The following SDK1 variants were observed in gnomAD, a reference collection of about 807,000 sequenced individuals.
SDK1 encodes the protein sidekick cell adhesion molecule 1, also known as protein sidekick-1.
SDK1 carries 157 observed loss-of-function variants against 245.5 expected under a neutral mutation model. The ratio of observed to expected loss-of-function variants is 0.64; its 90% confidence interval spans 0.56 to 0.73. The LOEUF (loss-of-function observed/expected upper bound fraction) is 0.73, where lower values mean the gene tolerates loss of function less well. Among genes scored for constraint, SDK1 ranks in the 30% least tolerant of loss-of-function variants. The pLI, the probability that SDK1 is intolerant of heterozygous loss-of-function variation, is 0.00. For missense variants in SDK1, 3,583 were observed against 3,002.3 expected, an observed-to-expected ratio of 1.19 and a Z score of -4.52; for synonymous variants, 1,647 against 1,278.5, an observed-to-expected ratio of 1.29 and a Z score of -6.15.
intron 5 of SDK1, among the ~76,000 whole-genome samples, chr7:3,850,877 AG>A (rs1210490938): frequency 7.1e-6 from 1 of 141,674 alleles, no homozygotes; most frequent in Admixed American, 7.0e-5. Flanking sequence ...GGGAGGGGGG[AG>A]GGAAAGAATT....
At chr7:3,391,076 C>T (rs1781736963) in intron 1 of SDK1, among the ~76,000 whole-genome samples, 2 of 152,060 alleles carry the variant, frequency 1.3e-5, no homozygotes, top group Admixed American at 6.5e-5. Context: ...ACCTTTTATA[C>T]CAGGTCACAT....
At chr7:3,385,974 G>A (rs907437859) in intron 1 of SDK1, among the ~76,000 whole-genome samples, 2 of 151,852 alleles carry the variant, frequency 1.3e-5, no homozygotes, top group African/African-American at 4.8e-5. Flanking sequence ...CCTCTGCATG[G>A]ATTTTTTTTT....
At position 3,676,354 on chromosome 7, in the gene SDK1, C is replaced by T. The variant is rs1397473028; in HGVS notation, c.713+34249C>T. Among the ~76,000 whole-genome samples, 10 of 135,882 alleles carry T rather than the reference C, an allele frequency of 7.4e-5. No homozygotes were observed. The East Asian group carries it at 1.8e-3, about 24-fold the overall frequency. The allele number at this position is 135,882 out of a possible 152,430, so 89.1% of individuals were successfully genotyped here. On this transcript the variant is annotated intron_variant, in intron 4 of 44. Transcript: ENST00000404826. ...TTTTTTTTTTTTTTTGAGACGGAGT[C>T]TTGCTCTGTCGCCCAGGCTGGAGTG...
intron 1 of SDK1, among the ~76,000 whole-genome samples, chr7:3,414,981 C>A (rs1014984552): frequency 7.2e-5 from 11 of 152,114 alleles, no homozygotes; most frequent in African/African-American, 2.7e-4. Context: ...AGTTGATGAA[C>A]ATGTTGGTTG....
At chr7:3,990,334 G>T (rs948814408) in intron 14 of SDK1, among the ~76,000 whole-genome samples, 13 of 152,230 alleles carry the variant, frequency 8.5e-5, no homozygotes, top group Admixed American at 7.2e-4. Flanking sequence ...CCTGCGGGGG[G>T]CCTCTGCAAC....
intron 1 of SDK1, among the ~76,000 whole-genome samples, chr7:3,313,619 T>G (rs1454803058): frequency 6.6e-6 from 1 of 152,180 alleles, no homozygotes; most frequent in Non-Finnish European, 1.5e-5. Context: ...CAGTTTCCAC[T>G]ACAAGTACTC....
intron 1 of SDK1, among the ~76,000 whole-genome samples, chr7:3,376,903 T>C (rs769634000): frequency 1.3e-5 from 2 of 152,154 alleles, no homozygotes; most frequent in Non-Finnish European, 2.9e-5. Flanking sequence ...CAGTTCCTCT[T>C]GGACTTTCCT....
chr7:4,131,191 A>C (rs796911708), intron 27 of SDK1, among the ~76,000 whole-genome samples: 4 of 152,362 alleles, frequency 2.6e-5, no homozygotes, highest in African/African-American at 9.6e-5. Context: ...TGTGTGTAAC[A>C]GCAGGCCCAC....
At position 3,869,015 on chromosome 7, in the gene SDK1, G is replaced by A. The variant is rs77895327; in HGVS notation, c.847+47432G>A. On this transcript the variant is annotated intron_variant, in intron 5 of 44. Transcript: ENST00000404826. ...AAGTCAGCCGACATTTCTCATTCGGGAAAAACAAAGCTGATTCTGGTGATT... is the reference window on the plus strand; with the variant it reads ...AAGTCAGCCGACATTTCTCATTCGGAAAAAACAAAGCTGATTCTGGTGATT... 2.6e-5 allele frequency among the ~76,000 whole-genome samples: 4 copies of A among 152,254 alleles called. No individual in the cohort carries two copies. In the South Asian group the frequency reaches 8.3e-4, roughly 32 times the overall value.
intron 1 of SDK1, among the ~76,000 whole-genome samples, chr7:3,513,565 T>C (rs1028652169): frequency 2.6e-5 from 4 of 152,198 alleles, no homozygotes; most frequent in Non-Finnish European, 5.9e-5. Context: ...AAAGAAAATA[T>C]CCATATTTAA....
chr7:3,808,490 C>T (rs1312084497), intron 4 of SDK1, among the ~76,000 whole-genome samples: 2 of 152,204 alleles, frequency 1.3e-5, no homozygotes, highest in Admixed American at 6.5e-5. Context: ...CTGAATAATT[C>T]CCAGCACAGG....
At chr7:3,952,961 G>A (rs531330035) in intron 7 of SDK1, among the ~76,000 whole-genome samples, 4 of 152,160 alleles carry the variant, frequency 2.6e-5, no homozygotes, top group South Asian at 2.1e-4. Context: ...ATAAGTGGCC[G>A]TGATGACTAT....
At chr7:4,086,418 G>C (rs1055137055) in intron 22 of SDK1, among the ~76,000 whole-genome samples, 5 of 152,172 alleles carry the variant, frequency 3.3e-5, no homozygotes, top group Non-Finnish European at 7.4e-5. Context: ...GGAAGCTCTG[G>C]GGATGAGTCA....
intron 1 of SDK1, among the ~76,000 whole-genome samples, chr7:3,359,119 G>C (rs542550546): frequency 7.2e-5 from 11 of 152,258 alleles, no homozygotes; most frequent in Middle Eastern, 3.4e-3. Context: ...ATGTGATCAC[G>C]CAGGTCAATT....
chr7:3,788,594 G>C (rs1184828221), intron 4 of SDK1, among the ~76,000 whole-genome samples: 8 of 152,098 alleles, frequency 5.3e-5, no homozygotes, highest in Admixed American at 5.2e-4. Flanking sequence ...TGGCTTCCCT[G>C]GGCCACGTTG....
intron 17 of SDK1, among the ~76,000 whole-genome samples, chr7:4,040,554 G>A (rs994147066): frequency 6.6e-6 from 1 of 152,192 alleles, no homozygotes; most frequent in African/African-American, 2.4e-5. Flanking sequence ...CTCCTGCAGA[G>A]GGGTCCGGAG....
At chr7:3,898,271 G>T (rs1012483644) in intron 5 of SDK1, among the ~76,000 whole-genome samples, 3 of 152,144 alleles carry the variant, frequency 2.0e-5, no homozygotes, top group Non-Finnish European at 4.4e-5. Context: ...TGAGAGTCGG[G>T]CACAGTTGGG....
At chr7:3,558,636 G>A (rs1255694708) in intron 1 of SDK1, among the ~76,000 whole-genome samples, 1 of 152,206 alleles carries the variant, frequency 6.6e-6, no homozygotes, top group African/African-American at 2.4e-5. Flanking sequence ...TGCAGACACA[G>A]CTGTTAGAGC....
rs112499203 is a variant in SDK1, at chr7:4,161,732, C to T, written c.4730-54C>T. On this transcript the variant is annotated intron_variant, in intron 31 of 44. Transcript: ENST00000404826. ...TCACTGAGGGTGGCCCTGGGAAGGGCGGCAGAACATAACAACCACCCTGAC... is the reference window on the plus strand; with the variant it reads ...TCACTGAGGGTGGCCCTGGGAAGGGTGGCAGAACATAACAACCACCCTGAC... 1.7e-4 allele frequency: 246 copies of T among 1,467,726 alleles called. 4 individuals carry two copies. In the African/African-American group the frequency reaches 2.0e-3, roughly 12 times the overall value. The allele number at this position is 1,467,726 out of a possible 1,614,324, so 90.9% of individuals were successfully genotyped here.
Sources: gnomAD v4.1 joint callset for allele counts (sites outside exome capture counted in the v4.1 genomes callset) on GRCh38, gnomAD v4.1.1 for gene constraint, MANE v1.5 for transcripts, NCBI Gene and HGNC (gene_info 2026-07-23, HGNC 2026-07-21) for gene names.